The following ZBTB40 variants were observed in gnomAD, a reference collection of about 807,000 sequenced individuals.
The protein encoded by ZBTB40 is zinc finger and BTB domain containing 40.
A neutral mutation model predicts 117.5 loss-of-function variants in ZBTB40; 60 were observed. The observed-to-expected ratio is 0.51, with a 90% confidence interval of 0.41 to 0.63. The LOEUF (loss-of-function observed/expected upper bound fraction) is 0.63. ZBTB40 is among the 30% of genes least tolerant of loss of function. The pLI is 0.00. For missense variants in ZBTB40, 1,287 were observed against 1,498.5 expected, an observed-to-expected ratio of 0.86 and a Z score of 2.33; for synonymous variants, 525 against 577.1, an observed-to-expected ratio of 0.91 and a Z score of 1.29.
Position 22,508,403 on chromosome 1 carries a change from G to A in ZBTB40, c.1498-127G>A. ...GTATAAGAAATCTCTCAGACTGAGA[G>A]GTGAGGATGTTGAAAAACTCCTTCC... On this transcript the variant is annotated intron_variant, in intron 7 of 17. Coordinates refer to ENST00000375647, the MANE Select transcript of ZBTB40 (RefSeq NM_014870.4). 7 of 1,154,108 alleles carry A rather than the reference G, an allele frequency of 6.1e-6. No individual in the cohort carries two copies. In the South Asian group the frequency reaches 7.6e-5, roughly 12 times the overall value. 71.5% of individuals were successfully genotyped at this position (1,154,108 alleles called of 1,614,324 possible). A position where few individuals can be genotyped will look rare whatever the true frequency, so the allele number is the denominator to read the frequency against.
intron 3 of ZBTB40, among the ~76,000 whole-genome samples, chr1:22,496,552 C>T (rs1378321110): frequency 2.6e-5 from 4 of 152,204 alleles, no homozygotes; most frequent in South Asian, 2.1e-4. Flanking sequence ...TTCCTTTGAG[C>T]GCCTTCTGTG....
intron 13 of ZBTB40, chr1:22,519,537 A>T (rs763211296): frequency 6.7e-5 from 13 of 192,784 alleles, no homozygotes; most frequent in Admixed American, 5.3e-5. Flanking sequence ...GTTAATTTAC[A>T]TAAAGCACTT....
intron 1 of ZBTB40, among the ~76,000 whole-genome samples, chr1:22,431,940 C>G (rs912315368): frequency 2.0e-5 from 3 of 150,884 alleles, no homozygotes; most frequent in African/African-American, 4.9e-5. Context: ...CGCCTGGTTT[C>G]CATTTGCCCT....
intron 3 of ZBTB40, among the ~76,000 whole-genome samples, chr1:22,498,771 C>T (rs114667072): frequency 8.1e-6 from 1 of 123,826 alleles, no homozygotes; most frequent in Non-Finnish European, 1.6e-5. Context: ...TTGGGATATT[C>T]GGAGAGTTTC....
intron 2 of ZBTB40, 63 bp downstream of exon 2, chr1:22,490,708 T>C: frequency 2.5e-6 from 4 of 1,576,244 alleles, no homozygotes; most frequent in Non-Finnish European, 3.4e-6. Context: ...GTTTTAATGT[T>C]TGATTAATAA....
Position 22,517,504 on chromosome 1 carries a change from C to G in ZBTB40, c.2833+40C>G, listed in dbSNP as rs373923330. 40 of 1,595,920 alleles carry G rather than the reference C, an allele frequency of 2.5e-5. No individual in the cohort carries two copies. The African/African-American group carries it at 3.6e-4, about 14-fold the overall frequency. Reference sequence around the variant, plus strand: ...TGGATCTCAAGCCCTCAGTGCCAGCCTGGCACTGGGAAAGCGTGTCAATTG... The same window carrying G: ...TGGATCTCAAGCCCTCAGTGCCAGCGTGGCACTGGGAAAGCGTGTCAATTG... On this transcript the variant is annotated intron_variant, in intron 13 of 17. Coordinates refer to ENST00000375647, the MANE Select transcript of ZBTB40 (RefSeq NM_014870.4).
intron 1 of ZBTB40, among the ~76,000 whole-genome samples, chr1:22,489,317 C>G (rs1557501499): frequency 6.6e-6 from 1 of 152,140 alleles, no homozygotes; most frequent in Non-Finnish European, 1.5e-5. Flanking sequence ...GCAGAGGACT[C>G]AACCAAGGAG....
intron 1 of ZBTB40, among the ~76,000 whole-genome samples, chr1:22,467,535 C>T (rs977644858): frequency 2.0e-5 from 3 of 152,126 alleles, no homozygotes; most frequent in Non-Finnish European, 4.4e-5. Context: ...AGTGCAGTGG[C>T]GCAATCTCTG....
intron 1 of ZBTB40, among the ~76,000 whole-genome samples, chr1:22,485,945 A>G (rs1227312005): frequency 6.6e-6 from 1 of 150,486 alleles, no homozygotes; most frequent in African/African-American, 2.4e-5. Context: ...CTATTCTTAC[A>G]TGTTTTGTAC....
chr1:22,490,307 C>T lies in ZBTB40; in HGVS notation c.359C>T (p.Ser120Leu), dbSNP rs529790791. 9.3e-6 allele frequency: 15 copies of T among 1,614,174 alleles called. No homozygotes were observed. Among genetic ancestry groups the T allele is most frequent in the South Asian group, 6.6e-5 (6 of 91,082 alleles). ...KNLLTSLVNC[S>L]VQGQVVRDVS... ...CTTCTGACCAGCCTTGTAAACTGCT[C>T]GGTTCAGGGTCAGGTGGTAAGGGAT... is the stretch of plus-strand genomic sequence containing the variant. Residue 120 changes from serine to leucine, a missense_variant, in exon 2 of 18, where the codon TCG becomes TTG. Around this residue, in one of 2 missense-constraint regions of ZBTB40, gnomAD observed 870 missense variants for 934.4 expected, o/e 0.93. Coordinates refer to ENST00000375647, the MANE Select transcript of ZBTB40 (RefSeq NM_014870.4).
rs150485028 is a variant in ZBTB40, at chr1:22,503,371, ATGTT to A, written c.1167+935_1167+938del. On this transcript the variant is annotated intron_variant, in intron 5 of 17. Coordinates refer to ENST00000375647, the MANE Select transcript of ZBTB40 (RefSeq NM_014870.4). ...GACTTCTCAAGGCAACTAGATAACT[ATGTT>A]TGTTGGTGTTATTGATTTCAACTTT... is the stretch of plus-strand genomic sequence containing the variant. 8.3e-3 allele frequency among the ~76,000 whole-genome samples: 1,259 copies of A among 151,012 alleles called. 9 individuals are homozygous for A. The highest frequency in any genetic ancestry group is 0.029 in the African/African-American group (1,189 of 40,980).
intron 3 of ZBTB40, among the ~76,000 whole-genome samples, chr1:22,494,343 A>G (rs1638714489): frequency 6.6e-6 from 1 of 152,220 alleles, no homozygotes; most frequent in East Asian, 1.9e-4. Context: ...TTTCTAGAAC[A>G]GTGTCTAGAG....
At chr1:22,454,618 A>G (rs1048837752) in intron 1 of ZBTB40, among the ~76,000 whole-genome samples, 8 of 152,232 alleles carry the variant, frequency 5.3e-5, no homozygotes, top group Non-Finnish European at 7.3e-5. Flanking sequence ...TAAGGTGGGT[A>G]ACAACGTGAG....
intron 1 of ZBTB40, among the ~76,000 whole-genome samples, chr1:22,474,825 G>T (rs2124409507): frequency 6.6e-6 from 1 of 152,112 alleles, no homozygotes; most frequent in African/African-American, 2.4e-5. Context: ...TCTGTTCGGT[G>T]AAAGCAATGA....
At chr1:22,503,667 T>C (rs1465372783) in intron 5 of ZBTB40, among the ~76,000 whole-genome samples, 2 of 152,226 alleles carry the variant, frequency 1.3e-5, no homozygotes, top group East Asian at 3.8e-4. Flanking sequence ...TTACATTTTG[T>C]GATTTAATTG....
chr1:22,507,575 A>G (rs1334992450), intron 6 of ZBTB40, among the ~76,000 whole-genome samples: 4 of 152,218 alleles, frequency 2.6e-5, no homozygotes, highest in African/African-American at 4.8e-5. Flanking sequence ...AATTGGCCCA[A>G]AGGGCACCTA....
Position 22,520,349 on chromosome 1 carries a change from G to A in ZBTB40, c.3048+74G>A, listed in dbSNP as rs372721853. ...CTCCATTTGATCTTCCCTGATGCCC[G>A]GGTTGGTGGCTTGCAGATCATATCT... On this transcript the variant is annotated intron_variant, in intron 14 of 17. Coordinates refer to ENST00000375647, the MANE Select transcript of ZBTB40 (RefSeq NM_014870.4). 3.7e-5 allele frequency: 47 copies of A among 1,281,972 alleles called. 1 individual carries two copies. Among genetic ancestry groups the A allele is most frequent in the South Asian group, 8.5e-5 (7 of 82,080 alleles). The allele number at this position is 1,281,972 out of a possible 1,614,324, so 79.4% of individuals were successfully genotyped here.
intron 5 of ZBTB40, 84 bp downstream of exon 5, chr1:22,502,525 C>G (rs967947264): frequency 1.3e-6 from 2 of 1,569,436 alleles, no homozygotes; most frequent in Non-Finnish European, 1.8e-6. Flanking sequence ...GCACTTTATA[C>G]TTTGCAGTAT....
rs747927640 is a variant in ZBTB40, at chr1:22,520,260, C to T, written c.3033C>T (p.Cys1011=). 10 of 1,611,808 alleles carry T rather than the reference C, an allele frequency of 6.2e-6. No individual in the cohort carries two copies. In the African/African-American group the frequency reaches 6.7e-5, roughly 11 times the overall value. Residue 1011 remains cysteine (C), a synonymous_variant, in exon 14 of 18, where the codon TGC becomes TGT. Coordinates refer to ENST00000375647, the MANE Select transcript of ZBTB40 (RefSeq NM_014870.4). The part of the protein sequence containing the change: ...VGGKPFSCGI[C]NKAYQQLSGL... ...GGAAGCCCTTCAGCTGCGGGATCTG[C>T]AACAAGGCCTACCAGGTGACCTCAG...
Sources: allele counts gnomAD v4.1 joint callset (sites outside exome capture counted in the v4.1 genomes callset), GRCh38; gene constraint gnomAD v4.1.1; regional missense constraint gnomAD v4.1.1; transcripts MANE v1.5; gene names NCBI Gene and HGNC (gene_info 2026-07-23, HGNC 2026-07-21).